STRBP: variants seen among roughly 807,000 people sequenced by gnomAD.
STRBP encodes the protein spermatid perinuclear RNA binding protein.
Under a neutral mutation model 80.1 loss-of-function variants are expected in STRBP, and 13 were observed. The ratio of observed to expected loss-of-function variants is 0.16; its 90% CI spans 0.11 to 0.26. The LOEUF (loss-of-function observed/expected upper bound fraction) is 0.26. STRBP is among the 10% of genes least tolerant of loss of function. The probability of loss-of-function intolerance (pLI) is 1.00; values close to 1 mark genes in which losing one functional copy is unlikely to be tolerated. For synonymous variants in STRBP, 284 were observed against 291.2 expected, an observed-to-expected ratio of 0.98 and a Z score of 0.25; for missense variants, 485 against 815.2, an observed-to-expected ratio of 0.59 and a Z score of 4.93.
Position 123,123,651 on chromosome 9 carries a change from A to C in STRBP, c.*1946T>G. ...CGTGAGTTATGAAGCAGAGTCAGCTACTTCAAAAGAATTTTCTAACGAGAA... is the reference window on the plus strand; with the variant it reads ...CGTGAGTTATGAAGCAGAGTCAGCTCCTTCAAAAGAATTTTCTAACGAGAA... On this transcript the variant is annotated 3_prime_UTR_variant, in exon 19 of 19. Coordinates refer to ENST00000348403, the MANE Select transcript of STRBP (RefSeq NM_018387.5). 1.0e-6 allele frequency: 1 copy of C among 985,418 alleles called. No individual in the cohort carries two copies. The highest frequency in any genetic ancestry group is 1.2e-6 in the Non-Finnish European group (1 of 829,926). 61.0% of individuals were successfully genotyped at this position (985,418 alleles called of 1,614,324 possible).
intron 1 of STRBP, among the ~76,000 whole-genome samples, chr9:123,257,518 G>A (rs886752097): frequency 6.6e-6 from 1 of 152,110 alleles, no homozygotes; most frequent in Non-Finnish European, 1.5e-5. Context: ...CAGAGTCCAT[G>A]AATACTTTAT....
Position 123,168,707 on chromosome 9 carries a change from A to G in STRBP, c.535+1195T>C, listed in dbSNP as rs1279912294. Among the ~76,000 whole-genome samples the G allele has an allele frequency of 2.0e-5, 3 of 152,206 alleles. No homozygotes were observed. In the East Asian group the frequency reaches 5.8e-4, roughly 29 times the overall value. On this transcript the variant is annotated intron_variant, in intron 6 of 18. Coordinates refer to ENST00000348403, the MANE Select transcript of STRBP (RefSeq NM_018387.5). ...TCCCCACTGGCCCAGATAGGCTGCA[A>G]TGCCTCTAAATTGTCATGACAGAGT...
chr9:123,138,756 A>G (rs188591525), intron 14 of STRBP, among the ~76,000 whole-genome samples: 30 of 152,274 alleles, frequency 2.0e-4, no homozygotes, highest in Admixed American at 1.9e-3. Context: ...TCTGCACACA[A>G]TTTCTGAAAC....
intron 2 of STRBP, among the ~76,000 whole-genome samples, chr9:123,207,139 G>A (rs947056151): frequency 2.0e-5 from 3 of 152,054 alleles, no homozygotes; most frequent in African/African-American, 7.2e-5. Context: ...AACTGATAAC[G>A]TCAAAGATGC....
chr9:123,262,199 C>T (rs2041173299), intron 1 of STRBP, among the ~76,000 whole-genome samples: 1 of 152,136 alleles, frequency 6.6e-6, no homozygotes. Context: ...TGGTACAAAA[C>T]ACACCTTTGA....
In STRBP at chr9:123,123,975, G is replaced by T. The variant is rs74932526; in HGVS notation, c.*1622C>A. The T allele has an allele frequency of 4.7e-5, 46 of 985,238 alleles. No individual in the cohort carries two copies. Among genetic ancestry groups the T allele is most frequent in the Non-Finnish European group, 5.4e-5 (45 of 829,928 alleles). The allele number at this position is 985,238 out of a possible 1,614,324, so 61.0% of individuals were successfully genotyped here. ...GATAAGTTACAGCTATTTCCAGCAA[G>T]TGATGAGGTTTTATTAAAGTATCAC... On this transcript the variant is annotated 3_prime_UTR_variant, in exon 19 of 19. Coordinates refer to ENST00000348403, the MANE Select transcript of STRBP (RefSeq NM_018387.5).
intron 11 of STRBP, among the ~76,000 whole-genome samples, chr9:123,150,653 G>T (rs2037016440): frequency 2.0e-5 from 3 of 152,176 alleles, no homozygotes; most frequent in South Asian, 2.1e-4. Context: ...TGCATTGGGG[G>T]TTACATTAAC....
chr9:123,216,896 G>T (rs906537184), intron 2 of STRBP, among the ~76,000 whole-genome samples: 2 of 152,164 alleles, frequency 1.3e-5, no homozygotes, highest in East Asian at 3.8e-4. Context: ...CTGAAACTCA[G>T]TTAAGTCACT....
chr9:123,219,758 T>C lies in STRBP; in HGVS notation c.-165+17072A>G, dbSNP rs145539941. On this transcript the variant is annotated intron_variant, in intron 2 of 18. Coordinates refer to ENST00000348403, the MANE Select transcript of STRBP (RefSeq NM_018387.5). ...TGAAAGGGACAAGTTATCCAGAGTTTTTATTCTCATCTGTACTAACAACAA... is the reference window on the plus strand; with the variant it reads ...TGAAAGGGACAAGTTATCCAGAGTTCTTATTCTCATCTGTACTAACAACAA... 4.9e-3 allele frequency among the ~76,000 whole-genome samples: 746 copies of C among 152,342 alleles called. 10 individuals are homozygous for C. The highest frequency in any genetic ancestry group is 0.01 in the Middle Eastern group (3 of 294).
chr9:123,116,092 G>A (rs1012460662), exon 3 of STRBP: 6 of 455,888 alleles, frequency 1.3e-5, no homozygotes, highest in East Asian at 6.9e-5. Context: ...TTCCTTTAAC[G>A]TAGCCTCTGC....
intron 11 of STRBP, among the ~76,000 whole-genome samples, chr9:123,150,663 C>T (rs1456853355): frequency 6.6e-6 from 1 of 152,050 alleles, no homozygotes; most frequent in Non-Finnish European, 1.5e-5. Context: ...GTTACATTAA[C>T]CCTAGGGGCA....
intron 8 of STRBP, 84 bp downstream of exon 8, chr9:123,160,283 C>A (rs1052402431): frequency 6.5e-6 from 6 of 917,044 alleles, no homozygotes; most frequent in Non-Finnish European, 9.5e-6. Flanking sequence ...TAGGAGATAG[C>A]CATTTTAAAG....
At chr9:123,220,997 C>T (rs12379290) in intron 2 of STRBP, among the ~76,000 whole-genome samples, 5,732 of 151,692 alleles carry the variant, frequency 0.038, 144 homozygotes, top group South Asian at 0.078. Context: ...AAAATAGAGA[C>T]GTTTGTTTTT....
chr9:123,152,597 A>G (rs1410981546), intron 11 of STRBP, among the ~76,000 whole-genome samples: 4 of 152,170 alleles, frequency 2.6e-5, no homozygotes, highest in Admixed American at 6.5e-5. Context: ...CCCTAAGGGC[A>G]TTATGCTGAG....
At chr9:123,128,112 CTG>C (rs2132299966) in intron 18 of STRBP, 100 bp downstream of exon 18, 1 of 1,403,796 alleles carries the variant, frequency 7.1e-7, no homozygotes, top group Non-Finnish European at 1.0e-6. Flanking sequence ...ATGAATAAAT[CTG>C]AGATCCTCCA....
intron 2 of STRBP, among the ~76,000 whole-genome samples, chr9:123,192,684 T>C (rs1032794287): frequency 3.9e-5 from 6 of 152,230 alleles, no homozygotes; most frequent in African/African-American, 1.2e-4. Context: ...AATTCAAGGA[T>C]ACTTACATAT....
chr9:123,150,794 A>C (rs761587600), intron 11 of STRBP, among the ~76,000 whole-genome samples: 35 of 152,146 alleles, frequency 2.3e-4, no homozygotes, highest in Admixed American at 7.9e-4. Context: ...TGAACCCCCC[A>C]CACACTGGGT....
intron 3 of STRBP, chr9:123,111,611 T>G (rs967474543): frequency 1.0e-5 from 5 of 477,736 alleles, no homozygotes; most frequent in Non-Finnish European, 1.7e-5. Flanking sequence ...GACAAGAGCC[T>G]TCCTATGAAG....
chr9:123,143,753 G>A (rs2036690333), intron 13 of STRBP, among the ~76,000 whole-genome samples: 1 of 152,126 alleles, frequency 6.6e-6, no homozygotes, highest in African/African-American at 2.4e-5. Flanking sequence ...AAGATGTAAA[G>A]CAATAAAATG....
Sources: allele counts gnomAD v4.1 joint callset (sites outside exome capture counted in the v4.1 genomes callset), GRCh38; gene constraint gnomAD v4.1.1; transcripts MANE v1.5; gene names NCBI Gene and HGNC (gene_info 2026-07-23, HGNC 2026-07-21).